Variants in MAN1C1 observed in about 807,000 individuals in gnomAD.
MAN1C1 encodes the protein mannosyl-oligosaccharide 1,2-alpha-mannosidase IC.
In MAN1C1, 49 loss-of-function variants were observed where a neutral mutation model predicts 71.5. That is an observed-to-expected ratio of 0.69 (90% confidence interval 0.54 to 0.87). The LOEUF (loss-of-function observed/expected upper bound fraction) is 0.87, where lower values mean the gene tolerates loss of function less well. Among genes scored for constraint, MAN1C1 ranks in the 40% least tolerant of loss-of-function variants. MAN1C1 has a pLI of 0.00. For synonymous variants in MAN1C1, 352 were observed against 343.7 expected, an observed-to-expected ratio of 1.02 and a Z score of -0.27; for missense variants, 743 against 835.0, an observed-to-expected ratio of 0.89 and a Z score of 1.36.
intron 2 of MAN1C1, among the ~76,000 whole-genome samples, chr1:25,707,683 G>A (rs538152569): frequency 2.6e-5 from 4 of 152,316 alleles, no homozygotes; most frequent in South Asian, 4.1e-4. Flanking sequence ...CTGTTGAACC[G>A]CTACAGAAAT....
chr1:25,717,576 T>C (rs969275818), intron 2 of MAN1C1, among the ~76,000 whole-genome samples: 9 of 123,182 alleles, frequency 7.3e-5, no homozygotes, highest in South Asian at 2.4e-4. Flanking sequence ...ACCATTTTCC[T>C]TTTTTTTTTT....
chr1:25,702,064 A>T (rs2046451766), intron 2 of MAN1C1, among the ~76,000 whole-genome samples: 1 of 152,192 alleles, frequency 6.6e-6, no homozygotes, highest in African/African-American at 2.4e-5. Context: ...TGTCTCAAAA[A>T]ATAAATAAGT....
chr1:25,671,559 T>A (rs954573341), intron 1 of MAN1C1, among the ~76,000 whole-genome samples: 2 of 152,204 alleles, frequency 1.3e-5, no homozygotes, highest in Admixed American at 6.5e-5. Context: ...GATAGTGAAT[T>A]CAGAATGCTG....
At chr1:25,712,683 G>A (rs1447829925) in intron 2 of MAN1C1, among the ~76,000 whole-genome samples, 1 of 152,136 alleles carries the variant, frequency 6.6e-6, no homozygotes, top group Non-Finnish European at 1.5e-5. Context: ...TTCTCGAATA[G>A]GAAAACCTAC....
At position 25,777,993 on chromosome 1, in the gene MAN1C1, G is replaced by A. The variant is rs1572214702; in HGVS notation, c.1258-112G>A. ...CTCCTTTGCCTGGGATGGAGGGCTT[G>A]GCAGAGCTGCCCTTGCTACTGTCTC... On this transcript the variant is annotated intron_variant, in intron 8 of 11. Coordinates refer to ENST00000374332, the MANE Select transcript of MAN1C1 (RefSeq NM_020379.4). 4 of 798,460 alleles carry A rather than the reference G, an allele frequency of 5.0e-6. No homozygotes were observed. In the East Asian group the frequency reaches 1.1e-4, roughly 22 times the overall value. The allele number at this position is 798,460 out of a possible 1,614,324, so 49.5% of individuals were successfully genotyped here.
chr1:25,695,535 G>C (rs1489495798), intron 2 of MAN1C1, among the ~76,000 whole-genome samples: 1 of 152,130 alleles, frequency 6.6e-6, no homozygotes, highest in Non-Finnish European at 1.5e-5. Flanking sequence ...GGCCCAAGGG[G>C]TGATCATCAG....
rs1393988367 is a variant in MAN1C1, at chr1:25,782,461, A to T, written c.1651-124A>T. On this transcript the variant is annotated intron_variant, in intron 10 of 11. Coordinates refer to ENST00000374332, the MANE Select transcript of MAN1C1 (RefSeq NM_020379.4). The surrounding 1 kb of genome is among the most constrained non-coding windows in gnomAD (Gnocchi z 4.4). ...GTTCCCACAAATGCCAGGAGTCCCCAGCCAAGGGGTGGGGGTGCTGTCTGC... is the reference window on the plus strand; with the variant it reads ...GTTCCCACAAATGCCAGGAGTCCCCTGCCAAGGGGTGGGGGTGCTGTCTGC... The T allele has an allele frequency of 1.6e-6, 1 of 635,414 alleles. No individual in the cohort carries two copies. 39.4% of individuals were successfully genotyped at this position (635,414 alleles called of 1,614,324 possible). A position where few individuals can be genotyped will look rare whatever the true frequency, so the allele number is the denominator to read the frequency against.
At chr1:25,651,874 G>A (rs888300834) in intron 1 of MAN1C1, among the ~76,000 whole-genome samples, 3 of 152,226 alleles carry the variant, frequency 2.0e-5, no homozygotes, top group Non-Finnish European at 2.9e-5. Context: ...ACTAAGTCCT[G>A]TTCCATGTAG....
At chr1:25,663,657 G>A (rs373735186) in intron 1 of MAN1C1, among the ~76,000 whole-genome samples, 3 of 152,082 alleles carry the variant, frequency 2.0e-5, no homozygotes, top group African/African-American at 7.2e-5. Context: ...TTACTGTGTC[G>A]AGGGCACAGT....
rs2047320273 is a variant in MAN1C1, at chr1:25,758,608, G to A, written c.946G>A (p.Ala316Thr). Residue 316 changes from alanine (A) to threonine (T), a missense_variant, in exon 6 of 12, where the codon GCC becomes ACC. By Grantham distance (58) the Ala-to-Thr change is moderately conservative. Transcript: ENST00000374332. ...VSFKSGNWGW[A>T]TAGSSSILAE... Reference sequence around the variant, plus strand: ...TCTTTTCAGTGGGAACTGGGGCTGGGCCACAGCCGGCAGCAGCAGCATCTT... The same window carrying A: ...TCTTTTCAGTGGGAACTGGGGCTGGACCACAGCCGGCAGCAGCAGCATCTT... The A allele has an allele frequency of 6.2e-7, 1 of 1,614,052 alleles. No homozygotes were observed.
At position 25,716,844 on chromosome 1, in the gene MAN1C1, C is replaced by T. The variant is rs139812881; in HGVS notation, c.638-29824C>T. 1.8e-4 allele frequency among the ~76,000 whole-genome samples: 27 copies of T among 152,356 alleles called. No individual in the cohort carries two copies. In the East Asian group the frequency reaches 5.0e-3, roughly 28 times the overall value. ...GGCCCCTTTGCCATTCATCCTTCCT[C>T]AGCTTCTGGCCTAGGCAATCACCAA... On this transcript the variant is annotated intron_variant, in intron 2 of 11. Coordinates refer to ENST00000374332, the MANE Select transcript of MAN1C1 (RefSeq NM_020379.4).
At chr1:25,719,172 A>C (rs7552655) in intron 2 of MAN1C1, among the ~76,000 whole-genome samples, 1 of 149,510 alleles carries the variant, frequency 6.7e-6, no homozygotes, top group East Asian at 1.9e-4. Context: ...TCCTGGGTTC[A>C]AGTTATTCTC....
At chr1:25,695,735 T>G (rs2046361441) in intron 2 of MAN1C1, among the ~76,000 whole-genome samples, 1 of 152,246 alleles carries the variant, frequency 6.6e-6, no homozygotes, top group Non-Finnish European at 1.5e-5. Flanking sequence ...CATAATTTAT[T>G]TCTCTAGAAA....
intron 2 of MAN1C1, among the ~76,000 whole-genome samples, chr1:25,742,595 A>G (rs2047077441): frequency 6.6e-6 from 1 of 152,210 alleles, no homozygotes; most frequent in East Asian, 1.9e-4. Flanking sequence ...GGAGGGCCAC[A>G]TGTACTCACT....
Position 25,746,587 on chromosome 1 carries a change from G to C in MAN1C1, c.638-81G>C, listed in dbSNP as rs1053039076. The C allele has an allele frequency of 3.5e-5, 38 of 1,093,310 alleles. No individual in the cohort carries two copies. The highest frequency in any genetic ancestry group is 5.1e-5 in the Non-Finnish European group (37 of 726,428). 67.7% of individuals were successfully genotyped at this position (1,093,310 alleles called of 1,614,324 possible). ...CCAAGCCTGCGCTGGCATTGGAGGG[G>C]CCCTGAGAACGGTGGCTTGTCCAGT... On this transcript the variant is annotated intron_variant, in intron 2 of 11. Transcript: ENST00000374332. This position sits in a 1 kb window ranked among gnomAD's most constrained non-coding sequence, Gnocchi z 4.0.
chr1:25,669,632 TGTG>T (rs2045968798), intron 1 of MAN1C1, among the ~76,000 whole-genome samples: 1 of 152,036 alleles, frequency 6.6e-6, no homozygotes, highest in African/African-American at 2.4e-5. Context: ...ATCAGCCAAG[TGTG>T]GTGGCACACA....
At chr1:25,680,332 G>A (rs953908972) in intron 1 of MAN1C1, among the ~76,000 whole-genome samples, 1 of 152,068 alleles carries the variant, frequency 6.6e-6, no homozygotes. Flanking sequence ...CAAAGTGCTG[G>A]GATTACACGT....
At chr1:25,666,729 G>A (rs542299283) in intron 1 of MAN1C1, among the ~76,000 whole-genome samples, 7 of 152,142 alleles carry the variant, frequency 4.6e-5, no homozygotes, top group Non-Finnish European at 1.0e-4. Flanking sequence ...CAAAACATAC[G>A]GCTGTCAGCG....
At chr1:25,684,118 C>T (rs1361720296) in intron 1 of MAN1C1, among the ~76,000 whole-genome samples, 1 of 151,896 alleles carries the variant, frequency 6.6e-6, no homozygotes, top group East Asian at 1.9e-4. Flanking sequence ...GGTGTGGCCC[C>T]CCGCTTAGAC....
Sources: allele counts gnomAD v4.1 joint callset (sites outside exome capture counted in the v4.1 genomes callset), GRCh38; gene constraint gnomAD v4.1.1; non-coding constraint Gnocchi (gnomAD v3.1); transcripts MANE v1.5; gene names NCBI Gene and HGNC (gene_info 2026-07-23, HGNC 2026-07-21).